The following ZNF474 variants were observed in gnomAD, a reference collection of about 807,000 sequenced individuals.
ZNF474 encodes 4933409D10Rik.
For missense variants in ZNF474, 511 were observed against 433.8 expected (o/e 1.18, Z -1.58); for synonymous variants, 192 against 162.2 (o/e 1.18, Z -1.39).
chr5:122,146,417 A>G (rs1580606764), intron 1 of ZNF474, among the ~76,000 whole-genome samples: 1 of 152,302 alleles, frequency 6.6e-6, no homozygotes, highest in South Asian at 2.1e-4. Context: ...GATCAATTTC[A>G]TAAGAACCAT....
chr5:122,131,680 TGATAGGGTA>T (rs1755581601), intron 1 of ZNF474, among the ~76,000 whole-genome samples: 1 of 151,996 alleles, frequency 6.6e-6, no homozygotes, highest in African/African-American at 2.4e-5. Context: ...AACTAATGAG[TGATAGGGTA>T]GATATTTGTA....
rs915576204 is a variant in ZNF474 at position 122,139,585 on chromosome 5, T to C, written c.-213+9902T>C. Among the ~76,000 whole-genome samples the C allele has an allele frequency of 2.0e-5, 3 of 152,200 alleles. No individual in the cohort carries two copies. In the East Asian group the frequency reaches 5.8e-4, roughly 29 times the overall value. On this transcript the variant is annotated intron_variant, in intron 1 of 1. Transcript: ENST00000296600. ...TCTTCAGGTAGTTCAGCCCATTCTG[T>C]GTATTTTTTCCATATAATTATGGTA... is the stretch of plus-strand genomic sequence containing the variant.
At chr5:122,129,748 G>A (rs1755534838) in intron 1 of ZNF474, 65 bp downstream of exon 1, 1 of 152,166 alleles carries the variant, frequency 6.6e-6, no homozygotes, top group South Asian at 2.1e-4. Context: ...TGTCTGGTAG[G>A]TCTTAAACCT....
intron 1 of ZNF474, among the ~76,000 whole-genome samples, chr5:122,133,146 A>G (rs1051964730): frequency 5.9e-5 from 9 of 152,230 alleles, no homozygotes; most frequent in African/African-American, 2.2e-4. Context: ...AAGCCCATTA[A>G]TATAGAATGT....
intron 1 of ZNF474, among the ~76,000 whole-genome samples, chr5:122,144,552 C>T (rs564704026): frequency 2.6e-5 from 4 of 152,242 alleles, no homozygotes; most frequent in East Asian, 1.9e-4. Flanking sequence ...TTTAAAATAA[C>T]AGGAACTAAG....
intron 1 of ZNF474, among the ~76,000 whole-genome samples, chr5:122,148,566 C>T (rs185346354): frequency 2.4e-4 from 37 of 152,240 alleles, no homozygotes; most frequent in Admixed American, 8.5e-4. Context: ...AGACAAAACA[C>T]ATCATTCATC....
At chr5:122,130,369 G>C (rs1755548321) in intron 1 of ZNF474, among the ~76,000 whole-genome samples, 1 of 152,038 alleles carries the variant, frequency 6.6e-6, no homozygotes, top group African/African-American at 2.4e-5. Flanking sequence ...GGGGGCCACT[G>C]TTTTGATTTC....
intron 1 of ZNF474, among the ~76,000 whole-genome samples, chr5:122,141,902 C>G (rs1372132852): frequency 6.6e-6 from 1 of 152,214 alleles, no homozygotes. Flanking sequence ...CTGTCTATCT[C>G]TCACTGACTG....
intron 1 of ZNF474, among the ~76,000 whole-genome samples, chr5:122,142,328 A>G (rs1239373288): frequency 1.3e-5 from 2 of 152,336 alleles, no homozygotes; most frequent in Admixed American, 6.5e-5. Flanking sequence ...TTCCCATCCA[A>G]TATCCTAATA....
chr5:122,152,857 T>C lies in ZNF474; in HGVS notation c.867T>C (p.His289=). The change falls in exon 2 of 2, where the codon CAT becomes CAC. Residue 289 remains histidine (H), a synonymous_variant. Coordinates refer to ENST00000296600, the MANE Select transcript of ZNF474 (RefSeq NM_207317.3). ...AAGCTCAGCTTGTGTTCTGCCCACA[T>C]TGTAGCCGAATCTTTACCTCAGACC... The part of the protein sequence containing the change: ...PNQAQLVFCP[H]CSRIFTSDRL... 6.2e-7 allele frequency: 1 copy of C among 1,614,158 alleles called. No individual in the cohort carries two copies. The highest frequency in any genetic ancestry group is 8.5e-7 in the Non-Finnish European group (1 of 1,180,038).
At chr5:122,129,957 T>A (rs2024065907) in intron 1 of ZNF474, among the ~76,000 whole-genome samples, 1 of 152,184 alleles carries the variant, frequency 6.6e-6, no homozygotes, top group African/African-American at 2.4e-5. Flanking sequence ...ATGCTGACAA[T>A]GATGAGTGAA....
chr5:122,152,834 G>C lies in ZNF474; in HGVS notation c.844G>C (p.Ala282Pro), dbSNP rs777725559. The C allele has an allele frequency of 2.2e-5, 36 of 1,614,046 alleles. No homozygotes were observed. The South Asian group carries it at 3.8e-4, about 17-fold the overall frequency. The change falls in exon 2 of 2, where the codon GCT becomes CCT. Residue 282 changes from alanine (A) to proline (P), a missense_variant. Transcript: ENST00000296600. ...GTCCAGCCAAGCGGGACCAAATCAA[G>C]CTCAGCTTGTGTTCTGCCCACATTG... is the stretch of plus-strand genomic sequence containing the variant. ...AQSSQAGPNQ[A>P]QLVFCPHCSR...
At position 122,150,017 on chromosome 5, in the gene ZNF474, G is replaced by T. The variant is rs558741917; in HGVS notation, c.-212-1762G>T. 6.8e-3 allele frequency among the ~76,000 whole-genome samples: 1,033 copies of T among 151,958 alleles called. 18 individuals carry two copies. The highest frequency in any genetic ancestry group is 0.023 in the African/African-American group (969 of 41,446). The stretch of plus-strand genomic sequence containing the variant: ...GGAAGGAGGCTTATTTGATTGCATT[G>T]ATTTTTCTAATCTGTCTTCTTAAGT... On this transcript the variant is annotated intron_variant, in intron 1 of 1. Coordinates refer to ENST00000296600, the MANE Select transcript of ZNF474 (RefSeq NM_207317.3).
intron 1 of ZNF474, among the ~76,000 whole-genome samples, chr5:122,136,015 AG>A (rs1301990957): frequency 6.6e-6 from 1 of 152,144 alleles, no homozygotes; most frequent in Non-Finnish European, 1.5e-5. Context: ...ATGAATAAAT[AG>A]GGGTTGGTTA....
Position 122,134,900 on chromosome 5 carries a change from AGAAAACACTGG to A in ZNF474, c.-213+5227_-213+5237del, listed in dbSNP as rs577493632. On this transcript the variant is annotated intron_variant, in intron 1 of 1. Coordinates refer to ENST00000296600, the MANE Select transcript of ZNF474 (RefSeq NM_207317.3). ...AACATAAAACTATAAAACTTCTAGA[AGAAAACACTGG>A]GAAAACACTCTAGTACATTGGTCTG... Among the ~76,000 whole-genome samples, 64 of 152,344 alleles carry A rather than the reference AGAAAACACTGG, an allele frequency of 4.2e-4. No individual in the cohort carries two copies. In the South Asian group the frequency reaches 6.2e-3, roughly 15 times the overall value.
chr5:122,141,864 C>A (rs1182864683), intron 1 of ZNF474, among the ~76,000 whole-genome samples: 1 of 152,134 alleles, frequency 6.6e-6, no homozygotes, highest in Non-Finnish European at 1.5e-5. Context: ...TAATTGAGGC[C>A]CTTTCACACT....
At chr5:122,129,729 A>G (rs1755534371) in intron 1 of ZNF474, 46 bp downstream of exon 1, 1 of 152,228 alleles carries the variant, frequency 6.6e-6, no homozygotes, top group Admixed American at 6.5e-5. Context: ...GGGTGTGTGC[A>G]TTCTCTGTTG....
rs932293032 is a variant in ZNF474 at position 122,153,130 on chromosome 5, T to C, written c.*45T>C. On this transcript the variant is annotated 3_prime_UTR_variant, in exon 2 of 2. Coordinates refer to ENST00000296600, the MANE Select transcript of ZNF474 (RefSeq NM_207317.3). The stretch of plus-strand genomic sequence containing the variant: ...CCCCAGAATCAGCCACCTCAGCCCC[T>C]AGTATTTTTTCTATCAATGCCTTGT... The C allele has an allele frequency of 3.9e-6, 6 of 1,550,342 alleles. No homozygotes were observed. Among genetic ancestry groups the C allele is most frequent in the Non-Finnish European group, 5.2e-6 (6 of 1,152,240 alleles).
At chr5:122,148,789 T>A (rs147415022) in intron 1 of ZNF474, among the ~76,000 whole-genome samples, 2,449 of 151,848 alleles carry the variant, frequency 0.016, 56 homozygotes, top group African/African-American at 0.056. Flanking sequence ...TAGGCTGGAG[T>A]GCAATGGCGC....
Sources: gnomAD v4.1 joint callset for allele counts (sites outside exome capture counted in the v4.1 genomes callset) on GRCh38, gnomAD v4.1.1 for gene constraint, MANE v1.5 for transcripts, NCBI Gene and HGNC (gene_info 2026-07-23, HGNC 2026-07-21) for gene names.